TSPAN18: variants seen among roughly 807,000 people sequenced by gnomAD.
TSPAN18 encodes the protein tetraspanin-18.
A neutral mutation model predicts 27.3 loss-of-function variants in TSPAN18; 14 were observed. That is an observed-to-expected ratio of 0.51 (90% CI 0.34 to 0.80). The LOEUF (loss-of-function observed/expected upper bound fraction) is 0.80. Ranked by LOEUF, TSPAN18 falls within the 30% of genes least tolerant of loss-of-function variation. The pLI, the probability that TSPAN18 is intolerant of heterozygous loss-of-function variation, is 0.01. For missense variants in TSPAN18, 268 were observed against 323.9 expected (o/e 0.83, Z 1.32); for synonymous variants, 143 against 136.5 (o/e 1.05, Z -0.33).
chr11:44,780,942 G>T (rs1855924085), intron 2 of TSPAN18, among the ~76,000 whole-genome samples: 1 of 152,254 alleles, frequency 6.6e-6, no homozygotes, highest in Non-Finnish European at 1.5e-5. Context: ...GTGAGACTTT[G>T]AGCCTATCTG....
intron 2 of TSPAN18, among the ~76,000 whole-genome samples, chr11:44,795,001 C>A (rs2135052479): frequency 6.6e-6 from 1 of 152,288 alleles, no homozygotes; most frequent in East Asian, 1.9e-4. Flanking sequence ...GGGGTCCTCA[C>A]TGGCTTTAGG....
chr11:44,810,872 G>A (rs1456698896), intron 2 of TSPAN18, among the ~76,000 whole-genome samples: 1 of 152,046 alleles, frequency 6.6e-6, no homozygotes, highest in African/African-American at 2.4e-5. Flanking sequence ...GCCTCTCAAA[G>A]TGCTAGGATT....
At chr11:44,846,950 A>G (rs1414650949) in intron 2 of TSPAN18, among the ~76,000 whole-genome samples, 20 of 152,192 alleles carry the variant, frequency 1.3e-4, no homozygotes. Context: ...AGGGGCATTC[A>G]TAGTGTTTAA....
Position 44,839,992 on chromosome 11 carries a change from G to A in TSPAN18, c.-152-20336G>A, listed in dbSNP as rs116510270. ...TCACAGGATTGTGATGGGACCCATG[G>A]CCAAGGACCTCCCCAGAACTCATGG... On this transcript the variant is annotated intron_variant, in intron 2 of 9. Coordinates refer to ENST00000520358, the MANE Select transcript of TSPAN18 (RefSeq NM_130783.5). Among the ~76,000 whole-genome samples, 877 of 152,282 alleles carry A rather than the reference G, an allele frequency of 5.8e-3. 10 individuals are homozygous for A. Among genetic ancestry groups the A allele is most frequent in the African/African-American group, 0.02 (830 of 41,542 alleles).
At chr11:44,784,436 C>A (rs1222525831) in intron 2 of TSPAN18, among the ~76,000 whole-genome samples, 2 of 152,178 alleles carry the variant, frequency 1.3e-5, no homozygotes, top group Non-Finnish European at 2.9e-5. Flanking sequence ...CATTACCTCT[C>A]CACAAAGGCC....
intron 2 of TSPAN18, among the ~76,000 whole-genome samples, chr11:44,816,067 A>G (rs1395215485): frequency 6.7e-6 from 1 of 149,148 alleles, no homozygotes; most frequent in Non-Finnish European, 1.5e-5. Flanking sequence ...GGGCAAGTTT[A>G]TTGCCCACTC....
intron 2 of TSPAN18, among the ~76,000 whole-genome samples, chr11:44,804,143 C>T (rs1473332387): frequency 6.6e-6 from 1 of 152,098 alleles, no homozygotes; most frequent in Admixed American, 6.6e-5. Context: ...CGCTCTGTCG[C>T]CCAGAGCTGG....
rs71449897 is a variant in TSPAN18, at chr11:44,882,627, CAG to C, written c.-11+22167_-11+22168del. 4.3e-3 allele frequency among the ~76,000 whole-genome samples: 561 copies of C among 130,682 alleles called. 5 individuals are homozygous for C. The highest frequency in any genetic ancestry group is 0.015 in the African/African-American group (509 of 33,258). The allele number at this position is 130,682 out of a possible 152,430, so 85.7% of individuals were successfully genotyped here. ...ACACACACACACACACACACACACACAGAGAGAGAGCATGTGCGTGCATGTAT... is the reference window on the plus strand; with the variant it reads ...ACACACACACACACACACACACACACAGAGAGAGCATGTGCGTGCATGTAT... On this transcript the variant is annotated intron_variant, in intron 3 of 9. Coordinates refer to ENST00000520358, the MANE Select transcript of TSPAN18 (RefSeq NM_130783.5).
At chr11:44,893,246 G>GCAGGGGTCCTTCACAGAGCATC (rs1858917118) in intron 3 of TSPAN18, among the ~76,000 whole-genome samples, 1 of 152,234 alleles carries the variant, frequency 6.6e-6, no homozygotes, top group Non-Finnish European at 1.5e-5. Context: ...CAGATGCTCT[G>GCAGGGGTCCTTCACAGAGCATC]TGCCACCTTG....
chr11:44,835,788 T>G (rs1461646860), intron 2 of TSPAN18, among the ~76,000 whole-genome samples: 1 of 152,242 alleles, frequency 6.6e-6, no homozygotes, highest in Non-Finnish European at 1.5e-5. Context: ...CAACAGCATG[T>G]GCTCACTTCC....
At chr11:44,726,456 G>A (rs1854503633), upstream of TSPAN18, 2 of 152,216 alleles carry the variant, frequency 1.3e-5, no homozygotes, top group Non-Finnish European at 2.9e-5. Flanking sequence ...CTCCATGCAG[G>A]AAGTCCCCTT....
At position 44,929,344 on chromosome 11, in the gene TSPAN18, C is replaced by T; in HGVS notation, c.*166C>T. ...GAATAGAGCTATTTTTTTAACAAAA[C>T]AAAATGAAGACAAAAATATGGACTG... On this transcript the variant is annotated 3_prime_UTR_variant, in exon 10 of 10. Transcript: ENST00000520358. 1.2e-6 allele frequency: 1 copy of T among 821,592 alleles called. No individual in the cohort carries two copies. The highest frequency in any genetic ancestry group is 1.7e-5 in the South Asian group (1 of 58,792). The allele number at this position is 821,592 out of a possible 1,614,324, so 50.9% of individuals were successfully genotyped here.
At chr11:44,765,655 T>C (rs1034985917) in intron 2 of TSPAN18, among the ~76,000 whole-genome samples, 2 of 152,152 alleles carry the variant, frequency 1.3e-5, no homozygotes, top group African/African-American at 4.8e-5. Flanking sequence ...TAGCACTGAG[T>C]AATGTCATCG....
chr11:44,887,456 G>A (rs1466002620), intron 3 of TSPAN18, among the ~76,000 whole-genome samples: 2 of 152,214 alleles, frequency 1.3e-5, no homozygotes, highest in Admixed American at 1.3e-4. Context: ...TGACCCCAGT[G>A]TTCTCAGCTG....
chr11:44,923,557 G>A lies in TSPAN18; in HGVS notation c.616-3117G>A, dbSNP rs368526787. Among the ~76,000 whole-genome samples, 13 of 152,288 alleles carry A rather than the reference G, an allele frequency of 8.5e-5. No individual in the cohort carries two copies. In the East Asian group the frequency reaches 1.3e-3, roughly 16 times the overall value. Reference sequence around the variant, plus strand: ...GGCCCATAGGAGGGAGAACCCAGCCGCTCATGCCAGCCCCCTTTCCCTTAA... The same window carrying A: ...GGCCCATAGGAGGGAGAACCCAGCCACTCATGCCAGCCCCCTTTCCCTTAA... On this transcript the variant is annotated intron_variant, in intron 8 of 9. Coordinates refer to ENST00000520358, the MANE Select transcript of TSPAN18 (RefSeq NM_130783.5).
intron 1 of TSPAN18, among the ~76,000 whole-genome samples, chr11:44,752,081 T>G (rs1179967540): frequency 6.6e-6 from 1 of 152,196 alleles, no homozygotes; most frequent in African/African-American, 2.4e-5. Context: ...ACTCTAGCAC[T>G]AGGCCCCAAC....
intron 2 of TSPAN18, among the ~76,000 whole-genome samples, chr11:44,850,613 C>T (rs1857577857): frequency 6.6e-6 from 1 of 152,146 alleles, no homozygotes; most frequent in African/African-American, 2.4e-5. Context: ...TAGCAATGGG[C>T]CTTCTCCTTG....
chr11:44,876,876 T>C (rs374852279), intron 3 of TSPAN18, among the ~76,000 whole-genome samples: 105 of 152,218 alleles, frequency 6.9e-4, no homozygotes, highest in African/African-American at 2.4e-3. Flanking sequence ...GAATAAAGAA[T>C]TGTCTTCTGG....
intron 1 of TSPAN18, among the ~76,000 whole-genome samples, chr11:44,744,566 G>A (rs994265722): frequency 2.6e-5 from 4 of 152,126 alleles, no homozygotes; most frequent in South Asian, 2.1e-4. Flanking sequence ...ACCCCTCTCC[G>A]GGCCTGTTTG....
Sources: allele counts gnomAD v4.1 joint callset (sites outside exome capture counted in the v4.1 genomes callset), GRCh38; gene constraint gnomAD v4.1.1; transcripts MANE v1.5; gene names NCBI Gene and HGNC (gene_info 2026-07-23, HGNC 2026-07-21).